The following PPP2R3A variants were observed in gnomAD, a reference collection of about 807,000 sequenced individuals.
The protein encoded by PPP2R3A is protein phosphatase 2 regulatory subunit B''alpha.
A neutral mutation model predicts 106.9 loss-of-function variants in PPP2R3A; 80 were observed. The ratio of observed to expected loss-of-function variants is 0.75; its 90% CI spans 0.62 to 0.90. PPP2R3A has a LOEUF of 0.90. Ranked by LOEUF, PPP2R3A falls within the 40% of genes least tolerant of loss-of-function variation. The pLI is 0.00. For synonymous variants in PPP2R3A, 483 were observed against 468.3 expected (o/e 1.03, Z -0.41); for missense variants, 1,386 against 1,350.4 (o/e 1.03, Z -0.41).
At chr3:136,085,587 A>T (rs773692373) in intron 8 of PPP2R3A, among the ~76,000 whole-genome samples, 1 of 152,066 alleles carries the variant, frequency 6.6e-6, no homozygotes. Flanking sequence ...GCCTGATTTA[A>T]TATTAACTAA....
Position 136,095,695 on chromosome 3 carries a change from A to T in PPP2R3A, c.2927+5028A>T, listed in dbSNP as rs909769967. Among the ~76,000 whole-genome samples, 7 of 152,306 alleles carry T rather than the reference A, an allele frequency of 4.6e-5. 1 individual carries two copies. The South Asian group carries it at 8.3e-4, about 18-fold the overall frequency. On this transcript the variant is annotated intron_variant, in intron 10 of 13. Transcript: ENST00000264977. The stretch of plus-strand genomic sequence containing the variant: ...AATTGCTTGTTGCTTAAGAGAATCA[A>T]AATTAGGCCAATTATATAAGAAAAT...
chr3:136,062,788 A>G (rs1174794300), intron 5 of PPP2R3A, among the ~76,000 whole-genome samples: 2 of 152,126 alleles, frequency 1.3e-5, no homozygotes, highest in Non-Finnish European at 2.9e-5. Flanking sequence ...AACAAATGGA[A>G]GAACATTCCA....
At chr3:136,106,643 C>T (rs1057073351) in intron 13 of PPP2R3A, 4 of 269,042 alleles carry the variant, frequency 1.5e-5, no homozygotes, top group East Asian at 1.3e-4. Flanking sequence ...AAGCTCTGGC[C>T]GGGCACGGTG....
At chr3:136,057,125 A>G (rs1009117957) in intron 5 of PPP2R3A, among the ~76,000 whole-genome samples, 20 of 152,144 alleles carry the variant, frequency 1.3e-4, no homozygotes, top group African/African-American at 4.3e-4. Context: ...ACTATGGAGA[A>G]TAGCTGGAGG....
intron 2 of PPP2R3A, among the ~76,000 whole-genome samples, chr3:136,016,015 G>T (rs939339939): frequency 5.3e-5 from 8 of 151,980 alleles, no homozygotes. Context: ...GATAGGTTGT[G>T]TCACTATTAT....
intron 1 of PPP2R3A, among the ~76,000 whole-genome samples, chr3:135,966,582 C>T (rs1937093452): frequency 1.3e-5 from 2 of 152,124 alleles, no homozygotes; most frequent in African/African-American, 4.8e-5. Flanking sequence ...GTTGATGTTG[C>T]ATCCGAACTC....
chr3:136,143,506 T>C (rs1463242624), intron 13 of PPP2R3A, among the ~76,000 whole-genome samples: 2 of 150,548 alleles, frequency 1.3e-5, no homozygotes, highest in East Asian at 4.0e-4. Context: ...CAAAAAGATG[T>C]TGACTGGGCG....
intron 5 of PPP2R3A, among the ~76,000 whole-genome samples, 194 bp from the exon 6 acceptor site, chr3:136,070,284 G>A (rs759205209): frequency 2.4e-4 from 36 of 152,128 alleles, no homozygotes; most frequent in Non-Finnish European, 3.5e-4. Flanking sequence ...TTTGAAGTAT[G>A]CTGTGTATAC....
intron 1 of PPP2R3A, among the ~76,000 whole-genome samples, chr3:135,982,112 G>C (rs1937546645): frequency 6.6e-6 from 1 of 151,750 alleles, no homozygotes. Flanking sequence ...TCAAAATTAA[G>C]AGATATTTTT....
intron 3 of PPP2R3A, among the ~76,000 whole-genome samples, chr3:136,036,375 A>G (rs1935086358): frequency 1.3e-5 from 2 of 152,178 alleles, no homozygotes; most frequent in African/African-American, 4.8e-5. Flanking sequence ...CTAGGGCTGA[A>G]GGCTGTTAGT....
Position 136,142,650 on chromosome 3 carries a change from A to G in PPP2R3A, c.3330-2393A>G, listed in dbSNP as rs146985181. Among the ~76,000 whole-genome samples, 1,141 of 152,278 alleles carry G rather than the reference A, an allele frequency of 7.5e-3. 18 individuals carry two copies. Among genetic ancestry groups the G allele is most frequent in the African/African-American group, 0.026 (1,077 of 41,536 alleles). The stretch of plus-strand genomic sequence containing the variant: ...CCTAAATCACTTAACCCCTAACTCC[A>G]TAAGGTCTCCATTAGGCTTCAAGTG... On this transcript the variant is annotated intron_variant, in intron 13 of 13. Transcript: ENST00000264977.
At chr3:136,090,488 T>C (rs1937069510) in intron 9 of PPP2R3A, 90 bp from the exon 10 acceptor site, 1 of 1,049,644 alleles carries the variant, frequency 9.5e-7, no homozygotes, top group Admixed American at 2.3e-5. Context: ...AAATTTTAAC[T>C]GACATACTAC....
At chr3:136,083,395 C>T (rs569299367) in intron 8 of PPP2R3A, among the ~76,000 whole-genome samples, 1 of 152,270 alleles carries the variant, frequency 6.6e-6, no homozygotes, top group East Asian at 1.9e-4. Flanking sequence ...AGTTCCTCTG[C>T]ACATGCTCTC....
chr3:136,067,142 G>T (rs1049489740), intron 5 of PPP2R3A, among the ~76,000 whole-genome samples: 1 of 152,186 alleles, frequency 6.6e-6, no homozygotes, highest in Admixed American at 6.5e-5. Context: ...AAAGTATCTT[G>T]TTGCAGATGA....
chr3:136,064,918 G>A (rs1232059176), intron 5 of PPP2R3A, among the ~76,000 whole-genome samples: 1 of 151,996 alleles, frequency 6.6e-6, no homozygotes, highest in Non-Finnish European at 1.5e-5. Flanking sequence ...ATCACTGTGT[G>A]GATAATCTAT....
chr3:136,061,927 A>C lies in PPP2R3A; in HGVS notation c.2470-8551A>C, dbSNP rs949592009. On this transcript the variant is annotated intron_variant, in intron 5 of 13. Coordinates refer to ENST00000264977, the MANE Select transcript of PPP2R3A (RefSeq NM_002718.5). ...GGGCGACAGAGCAAGACTCTATCTCAAAAAAAAAAAAAAAAAAAACACTGA... is the reference window on the plus strand; with the variant it reads ...GGGCGACAGAGCAAGACTCTATCTCCAAAAAAAAAAAAAAAAAAACACTGA... Among the ~76,000 whole-genome samples, 15 of 65,316 alleles carry C rather than the reference A, an allele frequency of 2.3e-4. No homozygotes were observed. The East Asian group carries it at 2.6e-3, about 11-fold the overall frequency. The allele number at this position is 65,316 out of a possible 152,430, so 42.8% of individuals were successfully genotyped here. A position where few individuals can be genotyped will look rare whatever the true frequency, so the allele number is the denominator to read the frequency against.
chr3:136,000,971 G>GGTT (rs944681125), intron 1 of PPP2R3A, 88 bp from the exon 2 acceptor site: 15 of 390,240 alleles, frequency 3.8e-5, no homozygotes, highest in African/African-American at 3.1e-4. Context: ...AAAGCGTGGT[G>GGTT]GTTAACTGCA....
chr3:136,029,174 CAGA>C (rs1199068211), intron 3 of PPP2R3A, among the ~76,000 whole-genome samples: 2 of 152,196 alleles, frequency 1.3e-5, no homozygotes, highest in Non-Finnish European at 2.9e-5. Flanking sequence ...GTGAAAGAGA[CAGA>C]AGGTTTCATG....
chr3:136,045,587 C>T (rs2107855039), intron 4 of PPP2R3A, among the ~76,000 whole-genome samples: 1 of 152,266 alleles, frequency 6.6e-6, no homozygotes, highest in East Asian at 1.9e-4. Context: ...GGGCAGTAAC[C>T]AGGAGACCTG....
Sources: gnomAD v4.1 joint callset for allele counts (sites outside exome capture counted in the v4.1 genomes callset) on GRCh38, gnomAD v4.1.1 for gene constraint, MANE v1.5 for transcripts, NCBI Gene and HGNC (gene_info 2026-07-23, HGNC 2026-07-21) for gene names.